Variants in ENTPD2 observed in about 807,000 individuals in gnomAD.
ENTPD2 encodes the protein CD39 antigen-like 1.
ENTPD2 carries 48 observed loss-of-function variants against 46.8 expected under a neutral mutation model. That is an observed-to-expected ratio of 1.03 (90% CI 0.81 to 1.30). The LOEUF (loss-of-function observed/expected upper bound fraction) is 1.30. ENTPD2 is among the 50% of genes most tolerant of loss of function. The pLI is 0.00. For synonymous variants in ENTPD2, 316 were observed against 286.1 expected, an observed-to-expected ratio of 1.10 and a Z score of -1.06; for missense variants, 707 against 651.1, an observed-to-expected ratio of 1.09 and a Z score of -0.93.
At position 137,053,871 on chromosome 9, in the gene ENTPD2, G is replaced by C; in HGVS notation, c.117+10C>G. 2 of 1,222,904 alleles carry C rather than the reference G, an allele frequency of 1.6e-6. No homozygotes were observed. The highest frequency in any genetic ancestry group is 2.0e-6 in the Non-Finnish European group (2 of 981,410). 75.8% of individuals were successfully genotyped at this position (1,222,904 alleles called of 1,614,324 possible). ...CTCCCCAGACGTGCGCTGGGTGCCC[G>C]GGCGCGCACCTTGAGGGCGGGCGGC... On this transcript the variant is annotated intron_variant, in intron 1 of 8. Coordinates refer to ENST00000355097, the MANE Select transcript of ENTPD2 (RefSeq NM_203468.3).
At chr9:137,049,136 G>A in intron 7 of ENTPD2, 61 bp from the exon 8 acceptor site, 1 of 1,532,838 alleles carries the variant, frequency 6.5e-7, no homozygotes, top group Non-Finnish European at 8.7e-7. Flanking sequence ...GCCCCACGGG[G>A]AGAGGGGGCC....
chr9:137,049,911 C>G lies in ENTPD2; in HGVS notation c.1108G>C (p.Glu370Gln), dbSNP rs148098204. ...TTGCAGACATTCACTGCGGCTGCCTCCAGCTGCTGCAGGGTGGCCACGGGC... is the reference window on the plus strand; with the variant it reads ...TTGCAGACATTCACTGCGGCTGCCTGCAGCTGCTGCAGGGTGGCCACGGGC... ...GLPVATLQQLEAAAVNVCNQT... is the reference protein window; with the variant it reads ...GLPVATLQQLQAAAVNVCNQT... Residue 370 changes from glutamate (E) to glutamine (Q), a missense_variant, in exon 7 of 9, where the codon GAG becomes CAG. Transcript: ENST00000355097. The G allele has an allele frequency of 1.2e-6, 2 of 1,612,414 alleles. No individual in the cohort carries two copies. Among genetic ancestry groups the G allele is most frequent in the East Asian group, 4.5e-5 (2 of 44,880 alleles).
chr9:137,049,286 G>T (rs746684639), intron 7 of ENTPD2: 1 of 844,914 alleles, frequency 1.2e-6, no homozygotes. Context: ...CCCAGCCAGC[G>T]CCCATGCCTG....
intron 7 of ENTPD2, 44 bp downstream of exon 7, chr9:137,049,826 T>TGAGCCC (rs1564251529): frequency 6.3e-7 from 1 of 1,576,550 alleles, no homozygotes; most frequent in South Asian, 1.2e-5. Context: ...AGGCGGAGGC[T>TGAGCCC]GAGCCCTTCC....
At position 137,048,837 on chromosome 9, in the gene ENTPD2, C is replaced by T. The variant is rs1441988871; in HGVS notation, c.1308G>A (p.Trp436Ter). 6.4e-7 allele frequency: 1 copy of T among 1,556,184 alleles called. No homozygotes were observed. The highest frequency in any genetic ancestry group is 1.2e-5 in the South Asian group (1 of 81,930). Residue 436 changes from tryptophan to a stop codon, truncating the protein, a stop_gained, in exon 9 of 9, where the codon TGG (tryptophan) becomes TGA (stop). Transcript: ENST00000355097. LOFTEE classifies it low-confidence loss of function (END_TRUNC). The stretch of plus-strand genomic sequence containing the variant: ...TCAGGTTCAGCATGTAGCCGAGCGC[C>T]CAGCCCACTGCAGTGTCCGCGGCCT... ...QKKAADTAVGWALGYMLNLTN... is the reference protein window; with the variant it reads ...QKKAADTAVG
intron 7 of ENTPD2, chr9:137,049,430 C>T (rs1037839939): frequency 2.2e-5 from 12 of 534,538 alleles, no homozygotes; most frequent in Non-Finnish European, 4.1e-5. Context: ...GTCCCCACCT[C>T]CCTCACCCCA....
Position 137,048,856 on chromosome 9 carries a change from G to C in ENTPD2, c.1289C>G (p.Ala430Gly), listed in dbSNP as rs762361439. The change falls in exon 9 of 9, where the codon GCG (alanine) becomes GGG (glycine). Residue 430 changes from alanine to glycine, a missense_variant. Coordinates refer to ENST00000355097, the MANE Select transcript of ENTPD2 (RefSeq NM_203468.3). ...FGGVIFQKKA[A>G]DTAVGWALGY... ...GAGCGCCCAGCCCACTGCAGTGTCC[G>C]CGGCCTGCGGGGAAGGGCGTGGCCT... 63 of 1,534,930 alleles carry C rather than the reference G, an allele frequency of 4.1e-5. No homozygotes were observed. Among genetic ancestry groups the C allele is most frequent in the Non-Finnish European group, 5.2e-5 (59 of 1,143,052 alleles).
rs142498028 is a variant in ENTPD2, at chr9:137,051,345, T to A, written c.412A>T (p.Ser138Cys). The A allele has an allele frequency of 3.1e-5, 48 of 1,573,686 alleles. 1 individual carries two copies. The East Asian group carries it at 1.0e-3, about 34-fold the overall frequency. Residue 138 changes from serine (S) to cysteine (C), a missense_variant, in exon 4 of 9, where the codon AGT becomes TGT. By Grantham distance (112) the Ser-to-Cys change is moderately radical (BLOSUM62 -1). Coordinates refer to ENST00000355097, the MANE Select transcript of ENTPD2 (RefSeq NM_203468.3). ...GTGTGAGTCACTGCCATGAGCACAC[T>A]GGTCGAGGCCTCTGGATTGGTCAGG... is the stretch of plus-strand genomic sequence containing the variant. Reference protein sequence around the residue: ...LNLTNPEASTSVLMAVTHTLT... With the variant: ...LNLTNPEASTCVLMAVTHTLT...
chr9:137,050,653 C>T, intron 5 of ENTPD2, 115 bp from the exon 6 acceptor site: 2 of 1,450,054 alleles, frequency 1.4e-6, no homozygotes, highest in South Asian at 1.4e-5. Flanking sequence ...AGGGGCAATC[C>T]ATGGCTCCCC....
intron 7 of ENTPD2, chr9:137,049,320 A>T (rs1832212186): frequency 1.4e-6 from 1 of 715,550 alleles, no homozygotes; most frequent in Non-Finnish European, 2.5e-6. Flanking sequence ...GAGGGACAGC[A>T]GGCATGGCCA....
At chr9:137,049,226 G>T in intron 7 of ENTPD2, 151 bp from the exon 8 acceptor site, 1 of 1,309,750 alleles carries the variant, frequency 7.6e-7, no homozygotes, top group Non-Finnish European at 1.1e-6. Flanking sequence ...GACACGAATG[G>T]CAAGACCGAG....
chr9:137,051,654 C>G lies in ENTPD2; in HGVS notation c.242G>C (p.Gly81Ala). ...QHSSCDVPGGGISSYADNPSG... is the reference protein window; with the variant it reads ...QHSSCDVPGGAISSYADNPSG... The stretch of plus-strand genomic sequence containing the variant: ...AGGGTTGTCTGCATAGCTGGAGATG[C>G]CCCCACCTAGAGGGAGGCAGAGAGA... Residue 81 changes from glycine (G) to alanine (A), a missense_variant, in exon 3 of 9, where the codon GGC becomes GCC. Physicochemically the swap from Gly to Ala is moderately conservative, Grantham distance 60 (BLOSUM62 0). Transcript: ENST00000355097. The G allele has an allele frequency of 6.2e-7, 1 of 1,609,562 alleles. No individual in the cohort carries two copies. Among genetic ancestry groups the G allele is most frequent in the Non-Finnish European group, 8.5e-7 (1 of 1,178,380 alleles).
chr9:137,048,653 G>T lies in ENTPD2; in HGVS notation c.*4C>A, dbSNP rs1447971342. 6.3e-6 allele frequency: 10 copies of T among 1,576,602 alleles called. No homozygotes were observed. The highest frequency in any genetic ancestry group is 8.6e-6 in the Non-Finnish European group (10 of 1,163,092). ...AGGGATGGGGCAGCTGCCCCCGTCGGCCCCTAAATGGTGCTTGGCAGCTTG... is the reference window on the plus strand; with the variant it reads ...AGGGATGGGGCAGCTGCCCCCGTCGTCCCCTAAATGGTGCTTGGCAGCTTG... On this transcript the variant is annotated 3_prime_UTR_variant, in exon 9 of 9. Transcript: ENST00000355097.
chr9:137,053,391 C>G (rs560437587), intron 1 of ENTPD2: 1 of 152,864 alleles, frequency 6.5e-6, no homozygotes, highest in Non-Finnish European at 1.5e-5. Flanking sequence ...GGGCCACTCT[C>G]GTGTCCTGGC....
intron 5 of ENTPD2, 126 bp from the exon 6 acceptor site, chr9:137,050,664 A>G (rs1832266198): frequency 7.0e-7 from 1 of 1,423,194 alleles, no homozygotes; most frequent in Non-Finnish European, 9.3e-7. Flanking sequence ...ATGGCTCCCC[A>G]CTGCCTGCTT....
chr9:137,052,671 T>G, intron 1 of ENTPD2: 2 of 182,364 alleles, frequency 1.1e-5, no homozygotes, highest in Non-Finnish European at 1.2e-5. Flanking sequence ...CCAGGGACTT[T>G]TCCCTGGGGC....
In ENTPD2 at chr9:137,048,356, T is replaced by G; in HGVS notation, c.*301A>C. 1 of 336,272 alleles carries G rather than the reference T, an allele frequency of 3.0e-6. No homozygotes were observed. The highest frequency in any genetic ancestry group is 5.5e-6 in the Non-Finnish European group (1 of 181,374). 20.8% of individuals were successfully genotyped at this position (336,272 alleles called of 1,614,324 possible). A position where few individuals can be genotyped will look rare whatever the true frequency, so the allele number is the denominator to read the frequency against. On this transcript the variant is annotated 3_prime_UTR_variant, in exon 9 of 9. Coordinates refer to ENST00000355097, the MANE Select transcript of ENTPD2 (RefSeq NM_203468.3). ...TTCAAGGAGCTGGATTGAGCGCTCTTTGCCCACCCAGGCTCCTGTGGGTAC... is the reference window on the plus strand; with the variant it reads ...TTCAAGGAGCTGGATTGAGCGCTCTGTGCCCACCCAGGCTCCTGTGGGTAC...
rs1341068452 is a variant in ENTPD2, at chr9:137,049,083, G to A, written c.1150-8C>T. On this transcript the variant is annotated splice_region_variant and splice_polypyrimidine_tract_variant and intron_variant, in intron 7 of 8. Coordinates refer to ENST00000355097, the MANE Select transcript of ENTPD2 (RefSeq NM_203468.3). ...TGGCACCCGAGCTTGCAGCTGGGAC[G>A]CGGGCGGGACACCGTCAGGCAGGCG... 17 of 1,531,622 alleles carry A rather than the reference G, an allele frequency of 1.1e-5. No individual in the cohort carries two copies. Among genetic ancestry groups the A allele is most frequent in the Admixed American group, 2.0e-5 (1 of 50,188 alleles). The allele number at this position is 1,531,622 out of a possible 1,614,324, so 94.9% of individuals were successfully genotyped here.
chr9:137,048,997 T>C lies in ENTPD2; in HGVS notation c.1228A>G (p.Ser410Gly), dbSNP rs1353430322. Reference protein sequence around the residue: ...AGAMFVQQLLSRGYGFDERAF... With the variant: ...AGAMFVQQLLGRGYGFDERAF... ...CGCTCGTCGAAGCCGTAGCCGCGAC[T>C]CAGCAGCTGCTGCACGAACATGGCC... is the stretch of plus-strand genomic sequence containing the variant. Residue 410 changes from serine to glycine, a missense_variant, in exon 8 of 9, where the codon AGT (serine) becomes GGT (glycine). By Grantham distance (56) the Ser-to-Gly change is moderately conservative. Transcript: ENST00000355097. 1.3e-6 allele frequency: 2 copies of C among 1,535,544 alleles called. No individual in the cohort carries two copies. Among genetic ancestry groups the C allele is most frequent in the Admixed American group, 3.9e-5 (2 of 50,654 alleles).
Sources: allele counts gnomAD v4.1 joint callset, GRCh38; gene constraint gnomAD v4.1.1; transcripts MANE v1.5; gene names NCBI Gene and HGNC (gene_info 2026-07-23, HGNC 2026-07-21).